Variants in CSMD3 observed in about 807,000 individuals in gnomAD.
CSMD3 encodes CUB and sushi domain-containing protein 3.
Under a neutral mutation model 435.2 loss-of-function variants are expected in CSMD3, and 177 were observed. That is an observed-to-expected ratio of 0.41 (90% confidence interval 0.36 to 0.46). The LOEUF (loss-of-function observed/expected upper bound fraction) is 0.46. Ranked by LOEUF, CSMD3 falls within the 20% of genes least tolerant of loss-of-function variation. CSMD3 has a pLI of 0.34. For missense variants in CSMD3, 4,265 were observed against 4,504.6 expected, an observed-to-expected ratio of 0.95 and a Z score of 1.52; for synonymous variants, 1,656 against 1,520.5, an observed-to-expected ratio of 1.09 and a Z score of -2.07.
rs7832160 is a variant in CSMD3, at chr8:112,814,056, G to A, written c.1860-13782C>T. Reference sequence around the variant, plus strand: ...TAGGCATACACATTTATTTAACTGTGAGCACAAGGAGAATCACAGAGTGAT... The same window carrying A: ...TAGGCATACACATTTATTTAACTGTAAGCACAAGGAGAATCACAGAGTGAT... On this transcript the variant is annotated intron_variant, in intron 12 of 70. Coordinates refer to ENST00000297405, the MANE Select transcript of CSMD3 (RefSeq NM_198123.2). Among the ~76,000 whole-genome samples, 1,102 of 152,310 alleles carry A rather than the reference G, an allele frequency of 7.2e-3. 11 individuals are homozygous for A. The highest frequency in any genetic ancestry group is 0.026 in the African/African-American group (1,062 of 41,580).
At chr8:113,117,949 G>A (rs2090884851) in intron 4 of CSMD3, among the ~76,000 whole-genome samples, 1 of 152,126 alleles carries the variant, frequency 6.6e-6, no homozygotes, top group South Asian at 2.1e-4. Context: ...CCTGATTTTG[G>A]TTTTGCAGGC....
In CSMD3 at chr8:113,234,840, C is replaced by T. The variant is rs114080848; in HGVS notation, c.514+43752G>A. Among the ~76,000 whole-genome samples the T allele has an allele frequency of 6.6e-3, 1,004 of 152,098 alleles. 12 individuals are homozygous for T. The highest frequency in any genetic ancestry group is 0.022 in the African/African-American group (901 of 41,484). The stretch of plus-strand genomic sequence containing the variant: ...CCTCAAGTTCAGCTAACACGTGTGA[C>T]GATTTTCTGTCAGCTTAAAGAAACT... On this transcript the variant is annotated intron_variant, in intron 3 of 70. Coordinates refer to ENST00000297405, the MANE Select transcript of CSMD3 (RefSeq NM_198123.2).
intron 35 of CSMD3, among the ~76,000 whole-genome samples, chr8:112,405,213 C>CATATATATATATA (rs1439544983): frequency 3.4e-4 from 6 of 17,888 alleles, no homozygotes; most frequent in Non-Finnish European, 4.6e-4. Flanking sequence ...AAAAAAACCC[C>CATATATATATATA]CATATATATA....
intron 27 of CSMD3, among the ~76,000 whole-genome samples, chr8:112,530,051 T>G (rs941509692): frequency 6.6e-6 from 1 of 151,922 alleles, no homozygotes; most frequent in African/African-American, 2.4e-5. Flanking sequence ...AGCAGCAGAC[T>G]AGATCAAGCT....
rs142286017 is a variant in CSMD3, at chr8:112,860,515, C to T, written c.1634-1249G>A. Among the ~76,000 whole-genome samples, 723 of 151,780 alleles carry T rather than the reference C, an allele frequency of 4.8e-3. 5 individuals are homozygous for T. The highest frequency in any genetic ancestry group is 0.016 in the African/African-American group (681 of 41,486). The stretch of plus-strand genomic sequence containing the variant: ...TGTAAATACTCTATGCTCACTACTC[C>T]ATTTTTCTCTCCCCTTTCACTCTTC... On this transcript the variant is annotated intron_variant, in intron 10 of 70. Coordinates refer to ENST00000297405, the MANE Select transcript of CSMD3 (RefSeq NM_198123.2).
chr8:112,497,318 A>T (rs768283030), intron 30 of CSMD3, among the ~76,000 whole-genome samples: 27 of 152,082 alleles, frequency 1.8e-4, no homozygotes, highest in African/African-American at 2.7e-4. Flanking sequence ...GACTACAGTT[A>T]ACAATAATTT....
chr8:112,906,480 C>T (rs980454929), intron 10 of CSMD3, among the ~76,000 whole-genome samples: 1 of 151,364 alleles, frequency 6.6e-6, no homozygotes, highest in African/African-American at 2.4e-5. Context: ...AAAAACGTCT[C>T]TAATAATTGG....
At chr8:112,613,129 C>T (rs1014437473) in intron 22 of CSMD3, among the ~76,000 whole-genome samples, 54 of 152,104 alleles carry the variant, frequency 3.6e-4, no homozygotes, top group African/African-American at 1.3e-3. Flanking sequence ...AGAAGAAGAT[C>T]GTCAGTCTAC....
chr8:112,879,636 G>T (rs1180063119), intron 10 of CSMD3, among the ~76,000 whole-genome samples: 3 of 152,062 alleles, frequency 2.0e-5, no homozygotes, highest in South Asian at 4.2e-4. Context: ...GACATGTGAT[G>T]CCTCCCCCAG....
intron 22 of CSMD3, among the ~76,000 whole-genome samples, chr8:112,605,275 C>A (rs142951696): frequency 9.3e-4 from 142 of 152,264 alleles, no homozygotes; most frequent in African/African-American, 3.2e-3. Flanking sequence ...AAGCCCATTA[C>A]TGAGTATTTA....
chr8:112,673,631 G>T (rs1390956144), intron 16 of CSMD3, among the ~76,000 whole-genome samples: 1 of 152,202 alleles, frequency 6.6e-6, no homozygotes, highest in African/African-American at 2.4e-5. Context: ...TCTCTAAAAA[G>T]AATGTAATGG....
rs183960391 is a variant in CSMD3 at position 113,030,613 on chromosome 8, G to A, written c.918-11434C>T. ...AAATCTTTGAGATCTTGAGTTAGGT[G>A]AAGTTTCAGAATTAAGCCCAAAAAC... On this transcript the variant is annotated intron_variant, in intron 5 of 70. Coordinates refer to ENST00000297405, the MANE Select transcript of CSMD3 (RefSeq NM_198123.2). Among the ~76,000 whole-genome samples the A allele has an allele frequency of 2.1e-3, 314 of 150,964 alleles. 7 individuals carry two copies. The highest frequency in any genetic ancestry group is 0.018 in the Admixed American group (279 of 15,142).
At chr8:112,942,473 T>C (rs544362319) in intron 9 of CSMD3, among the ~76,000 whole-genome samples, 21 of 151,720 alleles carry the variant, frequency 1.4e-4, no homozygotes, top group Middle Eastern at 3.4e-3. Flanking sequence ...AAATGATCAT[T>C]AGTGATAGAC....
intron 50 of CSMD3, among the ~76,000 whole-genome samples, chr8:112,310,028 A>G (rs551467874): frequency 6.6e-6 from 1 of 152,240 alleles, no homozygotes; most frequent in Admixed American, 6.5e-5. Flanking sequence ...CATGCTGAGT[A>G]GAGTTAAACA....
At chr8:112,398,631 T>C (rs1831055405) in intron 35 of CSMD3, among the ~76,000 whole-genome samples, 1 of 152,156 alleles carries the variant, frequency 6.6e-6, no homozygotes, top group Non-Finnish European at 1.5e-5. Context: ...TATCCCTATG[T>C]AGCCAAGCAG....
intron 1 of CSMD3, among the ~76,000 whole-genome samples, chr8:113,419,549 T>C (rs1033540186): frequency 3.3e-5 from 5 of 152,284 alleles, no homozygotes; most frequent in East Asian, 1.9e-4. Context: ...GAAAGGGCTA[T>C]TGATAAAAAG....
At chr8:112,320,512 T>G (rs948477141) in intron 45 of CSMD3, among the ~76,000 whole-genome samples, 15 of 152,268 alleles carry the variant, frequency 9.9e-5, no homozygotes, top group African/African-American at 3.6e-4. Context: ...TTTTATACTT[T>G]AAGTTACAGG....
intron 4 of CSMD3, among the ~76,000 whole-genome samples, chr8:113,120,291 T>C (rs1321256659): frequency 1.3e-5 from 2 of 152,128 alleles, no homozygotes; most frequent in African/African-American, 4.8e-5. Flanking sequence ...TTTCATTTCA[T>C]TAACAACTGT....
chr8:112,633,092 A>G (rs1378119244), intron 22 of CSMD3, among the ~76,000 whole-genome samples: 1 of 152,052 alleles, frequency 6.6e-6, no homozygotes, highest in African/African-American at 2.4e-5. Flanking sequence ...TTGAGTGCTT[A>G]TCTACTAATA....
Sources: gnomAD v4.1 joint callset for allele counts (sites outside exome capture counted in the v4.1 genomes callset) on GRCh38, gnomAD v4.1.1 for gene constraint, MANE v1.5 for transcripts, NCBI Gene and HGNC (gene_info 2026-07-23, HGNC 2026-07-21) for gene names.